Variants in KNG1 observed in about 807,000 individuals in gnomAD.
The protein encoded by KNG1 is kininogen-1.
KNG1 carries 23 observed loss-of-function variants against 47.8 expected under a neutral mutation model. The ratio of observed to expected loss-of-function variants is 0.48; its 90% CI spans 0.35 to 0.68. The LOEUF (loss-of-function observed/expected upper bound fraction) is 0.68. KNG1 is among the 30% of genes least tolerant of loss of function. The pLI, the probability that KNG1 is intolerant of heterozygous loss-of-function variation, is 0.01. For missense variants in KNG1, 762 were observed against 790.2 expected, an observed-to-expected ratio of 0.96 and a Z score of 0.43; for synonymous variants, 277 against 277.0, an observed-to-expected ratio of 1.00 and a Z score of 0.00.
At chr3:186,725,008 GC>G in intron 3 of KNG1, 79 bp from the exon 4 acceptor site, 1 of 1,504,568 alleles carries the variant, frequency 6.6e-7, no homozygotes, top group Non-Finnish European at 9.1e-7. Context: ...ACCACGCCCA[GC>G]CTCTTCTTTG....
chr3:186,728,490 T>G (rs140071824), intron 5 of KNG1: 24 of 152,250 alleles, frequency 1.6e-4, no homozygotes, highest in African/African-American at 4.8e-4. Flanking sequence ...TTTAGTGACA[T>G]AGTAAAACGG....
In KNG1 at chr3:186,743,583, G is replaced by A. The variant is rs1205986221; in HGVS notation, c.*1252G>A. 2.7e-6 allele frequency: 2 copies of A among 732,954 alleles called. No homozygotes were observed. Among genetic ancestry groups the A allele is most frequent in the Non-Finnish European group, 4.8e-6 (2 of 414,050 alleles). 45.4% of individuals were successfully genotyped at this position (732,954 alleles called of 1,614,324 possible). A position where few individuals can be genotyped will look rare whatever the true frequency, so the allele number is the denominator to read the frequency against. On this transcript the variant is annotated 3_prime_UTR_variant, in exon 10 of 10. Transcript: ENST00000644859. ...TTGTCTTTCATTTTAAATATTGTCTGTTCTTTTAAATAAACAACCACAGAT... is the reference window on the plus strand; with the variant it reads ...TTGTCTTTCATTTTAAATATTGTCTATTCTTTTAAATAAACAACCACAGAT...
chr3:186,733,290 T>A (rs367751966), intron 7 of KNG1, among the ~76,000 whole-genome samples: 2 of 152,228 alleles, frequency 1.3e-5, no homozygotes, highest in East Asian at 3.9e-4. Context: ...AACCATGATA[T>A]AATTAATAAA....
chr3:186,743,850 G>T lies in KNG1; in HGVS notation c.*1519G>T. The T allele has an allele frequency of 9.3e-7, 1 of 1,075,084 alleles. No homozygotes were observed. The allele number at this position is 1,075,084 out of a possible 1,614,324, so 66.6% of individuals were successfully genotyped here. ...CCACCTCTGCCAGCAACCTTGAGAG[G>T]AAGGACAAGAAGAAAGATGGGATAG... On this transcript the variant is annotated 3_prime_UTR_variant, in exon 10 of 10. Coordinates refer to ENST00000644859, the MANE Select transcript of KNG1 (RefSeq NM_001102416.3).
rs71167003 is a variant in KNG1, at chr3:186,725,543, A to ATTTTTTTTTT, written c.564+293_564+302dup. ...AAGGAAAAGTCATACCGGCCTTAGG[A>ATTTTTTTTTT]TTTTTTTTTTTTTTTTTTTGAGACA... On this transcript the variant is annotated intron_variant, in intron 4 of 9. Coordinates refer to ENST00000644859, the MANE Select transcript of KNG1 (RefSeq NM_001102416.3). 3.4e-4 allele frequency among the ~76,000 whole-genome samples: 30 copies of ATTTTTTTTTT among 87,718 alleles called. 1 individual carries two copies. The highest frequency in any genetic ancestry group is 1.1e-3 in the African/African-American group (24 of 21,498). 57.5% of individuals were successfully genotyped at this position (87,718 alleles called of 152,430 possible). A position where few individuals can be genotyped will look rare whatever the true frequency, so the allele number is the denominator to read the frequency against.
chr3:186,731,522 C>CTTT lies in KNG1; in HGVS notation c.673-21_673-20insTTT, dbSNP rs1488520251. 4 of 1,490,052 alleles carry CTTT rather than the reference C, an allele frequency of 2.7e-6. No homozygotes were observed. The South Asian group carries it at 4.5e-5, about 17-fold the overall frequency. 92.3% of individuals were successfully genotyped at this position (1,490,052 alleles called of 1,614,324 possible). A position where few individuals can be genotyped will look rare whatever the true frequency, so the allele number is the denominator to read the frequency against. ...TCTAAAAAATGTTTTTAACTGAGCA[C>CTTT]TTATATGCTTTTTAAAAACCAGGAT... On this transcript the variant is annotated intron_variant, in intron 5 of 9. Coordinates refer to ENST00000644859, the MANE Select transcript of KNG1 (RefSeq NM_001102416.3).
Position 186,731,052 on chromosome 3 carries a change from C to G in KNG1, c.673-493C>G, listed in dbSNP as rs191722760. On this transcript the variant is annotated intron_variant, in intron 5 of 9. Transcript: ENST00000644859. The stretch of plus-strand genomic sequence containing the variant: ...CTATGCTTTTGAAAAATAAAATGAT[C>G]ATTTTTACTACCTTTAGGAATGAGT... Among the ~76,000 whole-genome samples, 597 of 151,980 alleles carry G rather than the reference C, an allele frequency of 3.9e-3. 4 individuals are homozygous for G. The highest frequency in any genetic ancestry group is 0.014 in the African/African-American group (570 of 41,456).
chr3:186,725,582 T>C (rs1013494986), intron 4 of KNG1, among the ~76,000 whole-genome samples: 4 of 110,334 alleles, frequency 3.6e-5, no homozygotes, highest in African/African-American at 1.3e-4. Flanking sequence ...TCTCTCTCTG[T>C]CGCCCAGGCT....
chr3:186,741,374 T>A, intron 9 of KNG1, 148 bp from the exon 10 acceptor site: 1 of 673,742 alleles, frequency 1.5e-6, no homozygotes, highest in Non-Finnish European at 2.5e-6. Context: ...TTATTCATCC[T>A]TTCTGGAATG....
intron 5 of KNG1, among the ~76,000 whole-genome samples, chr3:186,729,325 A>G (rs867228424): frequency 9.2e-5 from 14 of 152,216 alleles, no homozygotes; most frequent in Admixed American, 6.5e-5. Context: ...ACTCTTAGGT[A>G]TATGCCCAAA....
intron 5 of KNG1, among the ~76,000 whole-genome samples, chr3:186,731,142 A>G (rs1018830319): frequency 3.3e-5 from 5 of 152,070 alleles, no homozygotes; most frequent in African/African-American, 1.2e-4. Context: ...CTACGTTTAT[A>G]TTTGTCTCAC....
At position 186,744,111 on chromosome 3, in the gene KNG1, G is replaced by A. The variant is rs562747355; in HGVS notation, c.*1780G>A. On this transcript the variant is annotated 3_prime_UTR_variant, in exon 10 of 10. Coordinates refer to ENST00000644859, the MANE Select transcript of KNG1 (RefSeq NM_001102416.3). ...TTAGGCGGGACTTCCTTACCACCACGGGTGCTAAAAGAAGAGTTAGTAGGT... is the reference window on the plus strand; with the variant it reads ...TTAGGCGGGACTTCCTTACCACCACAGGTGCTAAAAGAAGAGTTAGTAGGT... 35 of 377,840 alleles carry A rather than the reference G, an allele frequency of 9.3e-5. No homozygotes were observed. The highest frequency in any genetic ancestry group is 8.1e-4 in the East Asian group (15 of 18,420). 23.4% of individuals were successfully genotyped at this position (377,840 alleles called of 1,614,324 possible).
intron 4 of KNG1, 77 bp downstream of exon 4, chr3:186,725,337 A>C: frequency 7.1e-7 from 1 of 1,411,564 alleles, no homozygotes; most frequent in Non-Finnish European, 1.0e-6. Context: ...GTATGATTGC[A>C]TGGCTGGTGG....
In KNG1 at chr3:186,743,732, G is replaced by T; in HGVS notation, c.*1401G>T. 1 of 1,614,026 alleles carries T rather than the reference G, an allele frequency of 6.2e-7. No homozygotes were observed. The highest frequency in any genetic ancestry group is 1.7e-5 in the Admixed American group (1 of 60,000). ...TCACCTAAGGTCCTGCGAGTACAAGGGTCGACCCCCAAAGGCAGGGGCAGA... is the reference window on the plus strand; with the variant it reads ...TCACCTAAGGTCCTGCGAGTACAAGTGTCGACCCCCAAAGGCAGGGGCAGA... On this transcript the variant is annotated 3_prime_UTR_variant, in exon 10 of 10. Transcript: ENST00000644859.
At chr3:186,734,746 A>T (rs1463195379) in intron 7 of KNG1, 1 of 152,134 alleles carries the variant, frequency 6.6e-6, no homozygotes, top group African/African-American at 2.4e-5. Context: ...GCTAAGGCAC[A>T]AGAATGGCTT....
chr3:186,740,164 G>A (rs147130030), intron 9 of KNG1, among the ~76,000 whole-genome samples: 3 of 152,162 alleles, frequency 2.0e-5, no homozygotes, highest in Non-Finnish European at 4.4e-5. Flanking sequence ...AAAAGCATTC[G>A]TTGATGTCAT....
chr3:186,729,323 G>T (rs1720450567), intron 5 of KNG1, among the ~76,000 whole-genome samples: 1 of 152,132 alleles, frequency 6.6e-6, no homozygotes, highest in African/African-American at 2.4e-5. Context: ...GCACTCTTAG[G>T]TATATGCCCA....
chr3:186,734,114 C>A (rs1275207949), intron 7 of KNG1, among the ~76,000 whole-genome samples: 1 of 152,188 alleles, frequency 6.6e-6, no homozygotes, highest in South Asian at 2.1e-4. Flanking sequence ...CAAATTGTTA[C>A]AGCAAGCCAA....
At chr3:186,734,379 G>C (rs1472280027) in intron 7 of KNG1, among the ~76,000 whole-genome samples, 1 of 152,126 alleles carries the variant, frequency 6.6e-6, no homozygotes, top group Non-Finnish European at 1.5e-5. Flanking sequence ...TTGATATGGG[G>C]AATGTCTTGT....
Sources: gnomAD v4.1 joint callset for allele counts (sites outside exome capture counted in the v4.1 genomes callset) on GRCh38, gnomAD v4.1.1 for gene constraint, MANE v1.5 for transcripts, NCBI Gene and HGNC (gene_info 2026-07-23, HGNC 2026-07-21) for gene names.